The following ARHGAP39 variants were observed in gnomAD, a reference collection of about 807,000 sequenced individuals.
The protein encoded by ARHGAP39 is Rho GTPase activating protein 39, also known as rho GTPase-activating protein 39.
A neutral mutation model predicts 106.9 loss-of-function variants in ARHGAP39; 44 were observed. That is an observed-to-expected ratio of 0.41 (90% confidence interval 0.32 to 0.53). The LOEUF (loss-of-function observed/expected upper bound fraction) is 0.53, where lower values mean the gene tolerates loss of function less well. Ranked by LOEUF, ARHGAP39 falls within the 20% of genes least tolerant of loss-of-function variation. The pLI, the probability that ARHGAP39 is intolerant of heterozygous loss-of-function variation, is 0.21. For synonymous variants in ARHGAP39, 768 were observed against 693.2 expected, an observed-to-expected ratio of 1.11 and a Z score of -1.69; for missense variants, 1,496 against 1,577.3, an observed-to-expected ratio of 0.95 and a Z score of 0.87.
rs777271175 is a variant in ARHGAP39, at chr8:144,530,819, G to C, written c.3033C>G (p.His1011Gln). 2.5e-6 allele frequency: 4 copies of C among 1,611,802 alleles called. No homozygotes were observed. The highest frequency in any genetic ancestry group is 1.1e-5 in the South Asian group (1 of 91,042). ...GCGCGATGCACTGCTCGTAGAACTC[G>C]TGCGGGATCAGGGGCTCCTCCAGCT... ...YRELEEPLIP[H>Q]EFYEQCIAHY... Residue 1011 changes from histidine to glutamine, a missense_variant, in exon 11 of 12, where the codon CAC becomes CAG. His to Gln is a conservative substitution (Grantham distance 24). This residue lies in a region of ARHGAP39 where 470 missense variants were observed against 605.1 expected (regional missense o/e 0.78). Transcript: ENST00000377307.
In ARHGAP39 at chr8:144,537,706, G is replaced by A. The variant is rs77443917; in HGVS notation, c.2614+15C>T. 1.4e-4 allele frequency: 223 copies of A among 1,612,270 alleles called. No homozygotes were observed. The East Asian group carries it at 2.9e-3, about 21-fold the overall frequency. On this transcript the variant is annotated intron_variant, in intron 7 of 11. Transcript: ENST00000377307. ...TGCAGACGCCGCGCCCAGGGGCTGC[G>A]GGGAGAGGCCCTACCATCCGGCTCT...
At position 144,646,800 on chromosome 8, in the gene ARHGAP39, C is replaced by T. The variant is rs1034588675; in HGVS notation, c.-82+38886G>A. Among the ~76,000 whole-genome samples, 5 of 152,108 alleles carry T rather than the reference C, an allele frequency of 3.3e-5. No homozygotes were observed. The highest frequency in any genetic ancestry group is 2.1e-4 in the South Asian group (1 of 4,824). ...AGCGGGCCATGGCCCTGGCACTGCA[C>T]GTGAGGAAACAAGGCCTTGGGTTTT... On this transcript the variant is annotated intron_variant, in intron 1 of 11. Transcript: ENST00000377307. The surrounding 1 kb of genome is among the most constrained non-coding windows in gnomAD (Gnocchi z 5.7).
the ARHGAP39 span, chr8:144,698,499 T>C: frequency 3.5e-4 from 62 of 174,752 alleles, 1 homozygote; most frequent in Middle Eastern, 3.0e-3. Context: ...AAGATTGTAA[T>C]TAACTTTCAA....
chr8:144,660,116 C>T (rs557726164), intron 1 of ARHGAP39, among the ~76,000 whole-genome samples: 35 of 152,282 alleles, frequency 2.3e-4, no homozygotes, highest in African/African-American at 8.4e-4. Context: ...ACTCTGCCCC[C>T]GACCCCTGGG....
upstream of ARHGAP39, among the ~76,000 whole-genome samples, chr8:144,690,365 C>T (rs1282545423): frequency 2.0e-5 from 3 of 152,156 alleles, no homozygotes; most frequent in Non-Finnish European, 2.9e-5. Flanking sequence ...GTTGGCCTCC[C>T]AAAGTGTTGG....
intron 2 of ARHGAP39, among the ~76,000 whole-genome samples, chr8:144,603,278 GGTGT>G (rs373506479): frequency 6.6e-6 from 1 of 150,868 alleles, no homozygotes; most frequent in Admixed American, 6.6e-5. Context: ...TGTGCGTGGA[GGTGT>G]GTGTGCGTGC....
intron 1 of ARHGAP39, among the ~76,000 whole-genome samples, chr8:144,673,216 C>CAAAAAAAAA (rs112112343): frequency 4.2e-4 from 59 of 141,384 alleles, no homozygotes; most frequent in African/African-American, 1.3e-3. Flanking sequence ...GAACCTGTCT[C>CAAAAAAAAA]AAAAAAAAAA....
At chr8:144,558,733 T>C (rs1277141162) in intron 3 of ARHGAP39, among the ~76,000 whole-genome samples, 1 of 152,158 alleles carries the variant, frequency 6.6e-6, no homozygotes, top group Non-Finnish European at 1.5e-5. Flanking sequence ...CATATAAAAA[T>C]AGCTGAGAAG....
intron 1 of ARHGAP39, among the ~76,000 whole-genome samples, chr8:144,677,011 G>C (rs780296811): frequency 2.6e-5 from 4 of 152,240 alleles, no homozygotes; most frequent in African/African-American, 9.6e-5. Flanking sequence ...CTCATGATCC[G>C]CCCGCCTGGG....
intron 7 of ARHGAP39, among the ~76,000 whole-genome samples, chr8:144,536,019 C>T (rs544636626): frequency 1.3e-5 from 2 of 152,356 alleles, no homozygotes; most frequent in African/African-American, 2.4e-5. Flanking sequence ...ACTGCACTCA[C>T]GCTGCCTCAG....
chr8:144,610,923 T>A (rs1371590354), intron 1 of ARHGAP39, among the ~76,000 whole-genome samples: 4 of 152,136 alleles, frequency 2.6e-5, no homozygotes, highest in African/African-American at 9.6e-5. Context: ...TTCAAGCGAT[T>A]CTCCTGCCTC....
chr8:144,545,081 G>A (rs1586885442), intron 6 of ARHGAP39, among the ~76,000 whole-genome samples, 168 bp downstream of exon 6: 1 of 152,348 alleles, frequency 6.6e-6, no homozygotes. Flanking sequence ...CCAGGAAGAG[G>A]CCACATCCAG....
At chr8:144,689,204 G>A (rs1027838662), upstream of ARHGAP39, among the ~76,000 whole-genome samples, 2 of 151,818 alleles carry the variant, frequency 1.3e-5, no homozygotes, top group Non-Finnish European at 2.9e-5. Flanking sequence ...CTCGCCTGGC[G>A]CATCACAGGG....
At chr8:144,593,689 C>CAT (rs1819490700) in intron 2 of ARHGAP39, among the ~76,000 whole-genome samples, 1 of 152,072 alleles carries the variant, frequency 6.6e-6, no homozygotes, top group African/African-American at 2.4e-5. Flanking sequence ...AAAGGACTCT[C>CAT]CTAATTCAGT....
intron 3 of ARHGAP39, among the ~76,000 whole-genome samples, chr8:144,576,766 G>A (rs1818793558): frequency 1.3e-5 from 2 of 152,206 alleles, no homozygotes; most frequent in Non-Finnish European, 2.9e-5. Flanking sequence ...ACAGGCTCTT[G>A]AGGGAGAGTT....
chr8:144,535,039 G>C (rs1816897419), intron 7 of ARHGAP39, among the ~76,000 whole-genome samples: 1 of 152,226 alleles, frequency 6.6e-6, no homozygotes, highest in Admixed American at 6.5e-5. Context: ...GGGGAGCCAT[G>C]GACCTCGGAC....
chr8:144,533,438 G>A, intron 8 of ARHGAP39, 113 bp from the exon 9 acceptor site: 1 of 1,063,334 alleles, frequency 9.4e-7, no homozygotes, highest in Non-Finnish European at 1.4e-6. Flanking sequence ...CAGAATTCCT[G>A]CCCCACACAC....
chr8:144,596,794 C>T (rs191546586), intron 2 of ARHGAP39, among the ~76,000 whole-genome samples: 4 of 152,302 alleles, frequency 2.6e-5, no homozygotes, highest in Non-Finnish European at 5.9e-5. Flanking sequence ...GGACCTGGCA[C>T]GTGCTGCAGG....
chr8:144,588,794 G>A (rs781703629), intron 2 of ARHGAP39, among the ~76,000 whole-genome samples: 38 of 152,270 alleles, frequency 2.5e-4, no homozygotes, highest in Admixed American at 2.5e-3. Flanking sequence ...CAGGACTCTT[G>A]TGCGTGCTCA....
Sources: gnomAD v4.1 joint callset for allele counts (sites outside exome capture counted in the v4.1 genomes callset) on GRCh38, gnomAD v4.1.1 for gene constraint, gnomAD v4.1.1 regional missense constraint, Gnocchi (gnomAD v3.1) non-coding constraint, MANE v1.5 for transcripts, NCBI Gene and HGNC (gene_info 2026-07-23, HGNC 2026-07-21) for gene names.